COMMD10: variants seen among roughly 807,000 people sequenced by gnomAD.
COMMD10 encodes the protein COMM domain-containing protein 10.
COMMD10 carries 33 observed loss-of-function variants against 28.9 expected under a neutral mutation model. The ratio of observed to expected loss-of-function variants is 1.14; its 90% CI spans 0.87 to 1.53. The LOEUF is 1.53. Among genes scored for constraint, COMMD10 ranks in the 40% most tolerant of loss-of-function variants. COMMD10 has a pLI of 0.00. For synonymous variants in COMMD10, 110 were observed against 81.7 expected, an observed-to-expected ratio of 1.35 and a Z score of -1.87; for missense variants, 310 against 233.4, an observed-to-expected ratio of 1.33 and a Z score of -2.14.
At chr5:116,255,891 T>A (rs1750270151) in intron 5 of COMMD10, 1 of 151,402 alleles carries the variant, frequency 6.6e-6, no homozygotes, top group Non-Finnish European at 1.5e-5. Flanking sequence ...AGAACATAAT[T>A]CTTATTTTTA....
At chr5:116,093,265 C>G (rs958850092) in intron 4 of COMMD10, among the ~76,000 whole-genome samples, 1 of 152,062 alleles carries the variant, frequency 6.6e-6, no homozygotes, top group African/African-American at 2.4e-5. Flanking sequence ...CACTTCTCCA[C>G]AAAGAAGAAC....
chr5:116,188,583 C>G (rs1355765101), intron 5 of COMMD10: 1 of 150,614 alleles, frequency 6.6e-6, no homozygotes, highest in Non-Finnish European at 1.5e-5. Flanking sequence ...TTCTTTCTTT[C>G]TTTCTTTCTT....
intron 4 of COMMD10, among the ~76,000 whole-genome samples, chr5:116,112,063 T>G (rs944712978): frequency 2.6e-5 from 4 of 152,200 alleles, no homozygotes; most frequent in African/African-American, 9.7e-5. Context: ...TCTTTCAAGT[T>G]TAGGACTCCT....
chr5:116,219,264 T>C (rs1025591083), intron 5 of COMMD10, among the ~76,000 whole-genome samples: 5 of 152,150 alleles, frequency 3.3e-5, no homozygotes, highest in Non-Finnish European at 5.9e-5. Flanking sequence ...ATGGCAGCCC[T>C]AGCAAACCGA....
At chr5:116,241,018 A>G (rs897144440) in intron 5 of COMMD10, among the ~76,000 whole-genome samples, 1 of 152,178 alleles carries the variant, frequency 6.6e-6, no homozygotes, top group Admixed American at 6.5e-5. Context: ...TCACATTAAG[A>G]AGGAGGAATC....
intron 5 of COMMD10, among the ~76,000 whole-genome samples, chr5:116,239,050 G>A (rs1350947818): frequency 6.6e-6 from 1 of 152,246 alleles, no homozygotes; most frequent in South Asian, 2.1e-4. Context: ...CTATTGAAGA[G>A]CTCGATGAAG....
chr5:116,114,822 T>G (rs1008114316), intron 4 of COMMD10, among the ~76,000 whole-genome samples: 1 of 152,118 alleles, frequency 6.6e-6, no homozygotes, highest in Non-Finnish European at 1.5e-5. Flanking sequence ...TCCTGTAGTT[T>G]AGTCGGACTG....
At chr5:116,114,100 G>A (rs776210302) in intron 4 of COMMD10, among the ~76,000 whole-genome samples, 2 of 152,072 alleles carry the variant, frequency 1.3e-5, no homozygotes, top group Non-Finnish European at 2.9e-5. Flanking sequence ...GGGTTTTGAT[G>A]GAGGATGTGG....
At chr5:116,227,158 A>G (rs1427155506) in intron 5 of COMMD10, among the ~76,000 whole-genome samples, 4 of 152,046 alleles carry the variant, frequency 2.6e-5, no homozygotes, top group African/African-American at 9.7e-5. Context: ...CTTAAAAAGT[A>G]TCACTACTTT....
At chr5:116,122,462 A>C (rs1751466080) in intron 4 of COMMD10, among the ~76,000 whole-genome samples, 1 of 152,150 alleles carries the variant, frequency 6.6e-6, no homozygotes, top group Admixed American at 6.5e-5. Context: ...CTTGGCAATG[A>C]GGGCTCTTTT....
intron 5 of COMMD10, among the ~76,000 whole-genome samples, chr5:116,275,650 T>C (rs189845975): frequency 6.6e-6 from 1 of 151,926 alleles, no homozygotes; most frequent in East Asian, 1.9e-4. Context: ...ATCCATAAAA[T>C]ACACCATGTT....
chr5:116,154,974 A>G (rs1426649371), intron 5 of COMMD10, among the ~76,000 whole-genome samples: 1 of 151,910 alleles, frequency 6.6e-6, no homozygotes, highest in Non-Finnish European at 1.5e-5. Context: ...TAGCTATGCT[A>G]TTTTTCTTTA....
At chr5:116,227,230 C>G (rs1269055640) in intron 5 of COMMD10, among the ~76,000 whole-genome samples, 1 of 151,914 alleles carries the variant, frequency 6.6e-6, no homozygotes, top group Admixed American at 6.6e-5. Flanking sequence ...ATTTCAAGGC[C>G]CTTGAAATAA....
At chr5:116,191,206 G>T (rs1050282846) in intron 5 of COMMD10, among the ~76,000 whole-genome samples, 1 of 152,110 alleles carries the variant, frequency 6.6e-6, no homozygotes, top group Non-Finnish European at 1.5e-5. Flanking sequence ...CAGGAGGGTG[G>T]CCAGAGGAGC....
chr5:116,262,373 G>A (rs1450569538), intron 5 of COMMD10, among the ~76,000 whole-genome samples: 1 of 151,670 alleles, frequency 6.6e-6, no homozygotes, highest in African/African-American at 2.4e-5. Flanking sequence ...TTTAAAGAGA[G>A]CAGTCATTAA....
At chr5:116,104,341 TCTC>T (rs1456330125) in intron 4 of COMMD10, among the ~76,000 whole-genome samples, 6 of 152,212 alleles carry the variant, frequency 3.9e-5, no homozygotes, top group Admixed American at 3.9e-4. Context: ...GATTTGTAGT[TCTC>T]CTTGAAGAGG....
Position 116,087,539 on chromosome 5 carries a change from A to G in COMMD10, c.84A>G (p.Gly28=). The change falls in exon 2 of 7, where the codon GGA becomes GGG. Residue 28 remains glycine, a synonymous_variant. Coordinates refer to ENST00000274458, the MANE Select transcript of COMMD10 (RefSeq NM_016144.4). ...AVSLINAIDT[G]RFPRLLTRIL... is the part of the protein sequence containing the mutation. ...CACTGATAAATGCAATAGATACAGG[A>G]AGATTTCCACGGTTGCTCACTCGGA... 6.2e-7 allele frequency: 1 copy of G among 1,613,066 alleles called. No individual in the cohort carries two copies. The highest frequency in any genetic ancestry group is 8.5e-7 in the Non-Finnish European group (1 of 1,178,972).
chr5:116,119,724 G>A (rs1316291562), intron 4 of COMMD10, among the ~76,000 whole-genome samples: 2 of 151,976 alleles, frequency 1.3e-5, no homozygotes, highest in African/African-American at 2.4e-5. Flanking sequence ...GGATCCTCCT[G>A]CCTCAGCTTC....
chr5:116,129,777 T>G (rs1331656909), intron 4 of COMMD10, among the ~76,000 whole-genome samples: 2 of 93,088 alleles, frequency 2.1e-5, no homozygotes, highest in African/African-American at 2.8e-5. Context: ...ATAATATACA[T>G]TAGTATATAT....
Sources: allele counts gnomAD v4.1 joint callset (sites outside exome capture counted in the v4.1 genomes callset), GRCh38; gene constraint gnomAD v4.1.1; transcripts MANE v1.5; gene names NCBI Gene and HGNC (gene_info 2026-07-23, HGNC 2026-07-21).